GPC5: variants seen among roughly 807,000 people sequenced by gnomAD.
GPC5 encodes glypican 5, also known as glypican-5.
A neutral mutation model predicts 53.9 loss-of-function variants in GPC5; 47 were observed. That is an observed-to-expected ratio of 0.87 (90% confidence interval 0.69 to 1.11). The LOEUF (loss-of-function observed/expected upper bound fraction) is 1.11. GPC5 is among the 50% of genes most tolerant of loss of function. GPC5 has a pLI of 0.00. For missense variants in GPC5, 748 were observed against 713.1 expected (o/e 1.05, Z -0.56); for synonymous variants, 286 against 263.3 (o/e 1.09, Z -0.84).
chr13:91,965,159 C>A (rs748309852), intron 6 of GPC5, among the ~76,000 whole-genome samples: 1 of 151,754 alleles, frequency 6.6e-6, no homozygotes, highest in Non-Finnish European at 1.5e-5. Flanking sequence ...GTGCAGCACA[C>A]CAACATGGCA....
At chr13:91,432,213 G>C (rs13378350) in intron 1 of GPC5, among the ~76,000 whole-genome samples, 30,296 of 122,862 alleles carry the variant, frequency 0.25, 3,105 homozygotes, top group Admixed American at 0.29. Context: ...CTGTGTGTGT[G>C]TGTGTGTGTG....
At chr13:91,600,338 AGAGAGAGAGAGTGT>A (rs1317767217) in intron 2 of GPC5, among the ~76,000 whole-genome samples, 1 of 42,660 alleles carries the variant, frequency 2.3e-5, no homozygotes, top group Non-Finnish European at 5.9e-5. Context: ...AGAGAGAGAG[AGAGAGAGAGAGTGT>A]GTGTGTGTGT....
At chr13:91,728,771 A>C in intron 4 of GPC5, 106 bp downstream of exon 4, 2 of 999,222 alleles carry the variant, frequency 2.0e-6, no homozygotes, top group South Asian at 2.7e-5. Flanking sequence ...AATATGGACA[A>C]AAAAAAAAAG....
intron 2 of GPC5, among the ~76,000 whole-genome samples, chr13:91,622,944 T>C (rs1217696656): frequency 6.6e-6 from 1 of 152,104 alleles, no homozygotes; most frequent in Non-Finnish European, 1.5e-5. Context: ...GGCTGAGGAA[T>C]ACATTATCAT....
chr13:92,019,200 ACT>A (rs767775721), intron 6 of GPC5, among the ~76,000 whole-genome samples: 4 of 151,780 alleles, frequency 2.6e-5, no homozygotes, highest in South Asian at 2.1e-4. Context: ...ACATACACAT[ACT>A]CTCTCTCTAT....
chr13:91,915,247 T>G (rs1276844803), intron 6 of GPC5, among the ~76,000 whole-genome samples: 1 of 152,188 alleles, frequency 6.6e-6, no homozygotes, highest in Non-Finnish European at 1.5e-5. Flanking sequence ...CTTTCAATGG[T>G]CATCTAATTT....
chr13:92,356,197 A>C (rs970120329), intron 7 of GPC5, among the ~76,000 whole-genome samples: 1 of 152,194 alleles, frequency 6.6e-6, no homozygotes, highest in African/African-American at 2.4e-5. Flanking sequence ...GTTATTGAGA[A>C]CACACACACT....
At chr13:92,781,906 G>A (rs1335599135) in intron 7 of GPC5, among the ~76,000 whole-genome samples, 1 of 152,170 alleles carries the variant, frequency 6.6e-6, no homozygotes, top group Non-Finnish European at 1.5e-5. Context: ...GCAGAGCAAG[G>A]TAATTGCCAA....
intron 7 of GPC5, among the ~76,000 whole-genome samples, chr13:92,251,003 A>T (rs2042688719): frequency 6.6e-6 from 1 of 152,170 alleles, no homozygotes; most frequent in Admixed American, 6.6e-5. Flanking sequence ...TTCAAAGTTT[A>T]AAACCTATGT....
At chr13:92,424,952 G>A (rs1408908465) in intron 7 of GPC5, among the ~76,000 whole-genome samples, 1 of 152,034 alleles carries the variant, frequency 6.6e-6, no homozygotes, top group Non-Finnish European at 1.5e-5. Context: ...TAGATGTTGA[G>A]TATTTCTGTC....
chr13:92,585,606 G>A (rs189041578), intron 7 of GPC5, among the ~76,000 whole-genome samples: 18 of 152,280 alleles, frequency 1.2e-4, no homozygotes, highest in African/African-American at 3.6e-4. Flanking sequence ...TTCTGGGACC[G>A]TTGGGAAGGC....
rs368582580 is a variant in GPC5 at position 91,756,263 on chromosome 13, G to T, written c.1155-32G>T. On this transcript the variant is annotated intron_variant, in intron 4 of 7. Transcript: ENST00000377067. Reference sequence around the variant, plus strand: ...TGATGGCCTTTATTGTGGATGTTTGGTTTTAATTGTTTTCTTTCTTCTTTC... The same window carrying T: ...TGATGGCCTTTATTGTGGATGTTTGTTTTTAATTGTTTTCTTTCTTCTTTC... 22 of 1,456,566 alleles carry T rather than the reference G, an allele frequency of 1.5e-5. No individual in the cohort carries two copies. In the African/African-American group the frequency reaches 2.5e-4, roughly 17 times the overall value. 90.2% of individuals were successfully genotyped at this position (1,456,566 alleles called of 1,614,324 possible).
chr13:91,940,939 T>C (rs763389265), intron 6 of GPC5, among the ~76,000 whole-genome samples: 10 of 152,124 alleles, frequency 6.6e-5, no homozygotes, highest in Admixed American at 2.0e-4. Context: ...ATTCTGTAGG[T>C]TGTCTGTTTA....
intron 7 of GPC5, among the ~76,000 whole-genome samples, chr13:92,268,631 T>C (rs569368344): frequency 1.3e-5 from 2 of 152,138 alleles, no homozygotes; most frequent in East Asian, 3.9e-4. Flanking sequence ...TTTATCTTTA[T>C]TCCTGCTAGA....
Position 92,048,426 on chromosome 13 carries a change from A to G in GPC5, c.1402-96404A>G, listed in dbSNP as rs114456451. ...CACCAAACACTGCAGAGGAACTAAA[A>G]TGAAAACAGGTTGGAGGGCAGAGTT... is the stretch of plus-strand genomic sequence containing the variant. On this transcript the variant is annotated intron_variant, in intron 6 of 7. Transcript: ENST00000377067. Among the ~76,000 whole-genome samples, 1,252 of 152,318 alleles carry G rather than the reference A, an allele frequency of 8.2e-3. 19 individuals are homozygous for G. Among genetic ancestry groups the G allele is most frequent in the African/African-American group, 0.028 (1,165 of 41,572 alleles).
chr13:91,460,230 T>C (rs956780686), intron 2 of GPC5, among the ~76,000 whole-genome samples: 1 of 152,118 alleles, frequency 6.6e-6, no homozygotes, highest in African/African-American at 2.4e-5. Flanking sequence ...TCTTCTTATA[T>C]GAATCAAATT....
chr13:91,517,656 A>G (rs756874297), intron 2 of GPC5, among the ~76,000 whole-genome samples: 2 of 151,912 alleles, frequency 1.3e-5, no homozygotes, highest in East Asian at 1.9e-4. Flanking sequence ...ACAATGCCCC[A>G]CTCTACTGGT....
At chr13:91,795,839 C>G (rs2990003) in intron 5 of GPC5, among the ~76,000 whole-genome samples, 54,600 of 151,920 alleles carry the variant, frequency 0.36, 11,123 homozygotes, top group African/African-American at 0.56. Context: ...TCCACATGCT[C>G]TCTTTATGAA....
At chr13:91,894,901 T>G (rs1227012311) in intron 5 of GPC5, among the ~76,000 whole-genome samples, 2 of 152,080 alleles carry the variant, frequency 1.3e-5, no homozygotes, top group Non-Finnish European at 2.9e-5. Flanking sequence ...GAATGTTAAT[T>G]TTGCAGAAAC....
Sources: gnomAD v4.1 joint callset for allele counts (sites outside exome capture counted in the v4.1 genomes callset) on GRCh38, gnomAD v4.1.1 for gene constraint, MANE v1.5 for transcripts, NCBI Gene and HGNC (gene_info 2026-07-23, HGNC 2026-07-21) for gene names.